The following PPFIA4 variants were observed in gnomAD, a reference collection of about 807,000 sequenced individuals.
PPFIA4 encodes the protein liprin-alpha-4.
Under a neutral mutation model 145.7 loss-of-function variants are expected in PPFIA4, and 98 were observed. That is an observed-to-expected ratio of 0.67 (90% CI 0.57 to 0.80). PPFIA4 has a LOEUF of 0.80. Ranked by LOEUF, PPFIA4 falls within the 30% of genes least tolerant of loss-of-function variation. The pLI is 0.00. For synonymous variants in PPFIA4, 628 were observed against 649.6 expected (o/e 0.97, Z 0.51); for missense variants, 1,457 against 1,632.7 (o/e 0.89, Z 1.85).
At position 203,053,884 on chromosome 1, in the gene PPFIA4, C is replaced by T. The variant is rs369103734; in HGVS notation, c.1752C>T (p.Ser584=). The change falls in exon 15 of 30, where the codon TCC becomes TCT. Residue 584 remains serine, a synonymous_variant. Coordinates refer to ENST00000295706, the MANE Select transcript of PPFIA4 (RefSeq NM_001304331.2). The part of the protein sequence containing the change: ...GGLVGSADVV[S]PSGHSDAQTL... The stretch of plus-strand genomic sequence containing the variant: ...TGGTGGGCTCTGCGGATGTTGTCTC[C>T]CCCAGCGGCCACTCAGATGCCCAGA... 1.5e-5 allele frequency: 24 copies of T among 1,562,264 alleles called. No homozygotes were observed. In the African/African-American group the frequency reaches 2.7e-4, roughly 18 times the overall value.
intron 26 of PPFIA4, 37 bp downstream of exon 26, chr1:203,067,829 C>T (rs1258512376): frequency 5.6e-6 from 9 of 1,593,612 alleles, no homozygotes; most frequent in Non-Finnish European, 6.9e-6. Flanking sequence ...TCGGGAGCAG[C>T]CTGCTTGGCT....
Position 203,048,772 on chromosome 1 carries a change from GAGGCGGGACTGTGATGGGCGC to G in PPFIA4, c.1356+66_1356+86del. The G allele has an allele frequency of 1.3e-6, 2 of 1,567,208 alleles. No homozygotes were observed. Among genetic ancestry groups the G allele is most frequent in the Non-Finnish European group, 1.7e-6 (2 of 1,152,808 alleles). On this transcript the variant is annotated intron_variant, in intron 11 of 29. Transcript: ENST00000295706. The surrounding 1 kb of genome is among the most constrained non-coding windows in gnomAD (Gnocchi z 5.8). ...GTTAGTGCTGGGTGTGGGGCGGGGGGAGGCGGGACTGTGATGGGCGCAGGCGGGGTCTCAATGGGGTGGGTG... is the reference window on the plus strand; with the variant it reads ...GTTAGTGCTGGGTGTGGGGCGGGGGGAGGCGGGGTCTCAATGGGGTGGGTG...
chr1:203,043,807 C>A lies in PPFIA4; in HGVS notation c.337-124C>A. 2 of 991,550 alleles carry A rather than the reference C, an allele frequency of 2.0e-6. No homozygotes were observed. The highest frequency in any genetic ancestry group is 2.9e-6 in the Non-Finnish European group (2 of 689,222). 61.4% of individuals were successfully genotyped at this position (991,550 alleles called of 1,614,324 possible). A position where few individuals can be genotyped will look rare whatever the true frequency, so the allele number is the denominator to read the frequency against. ...GCTCTGTGCCCATTTGGAAGTATTTCAGTGTTTTCACAGTGGGGTGGCTGT... is the reference window on the plus strand; with the variant it reads ...GCTCTGTGCCCATTTGGAAGTATTTAAGTGTTTTCACAGTGGGGTGGCTGT... On this transcript the variant is annotated intron_variant, in intron 3 of 29. Transcript: ENST00000295706. This position sits in a 1 kb window ranked among gnomAD's most constrained non-coding sequence, Gnocchi z 4.4.
At chr1:203,028,068 G>A (rs1658539195) in intron 1 of PPFIA4, among the ~76,000 whole-genome samples, 1 of 152,210 alleles carries the variant, frequency 6.6e-6, no homozygotes, top group Non-Finnish European at 1.5e-5. Flanking sequence ...TCAAAGTAAG[G>A]AGATAATGAA....
rs1252305297 is a variant in PPFIA4, at chr1:203,057,015, C to G, written c.2407+65C>G. The G allele has an allele frequency of 1.1e-5, 17 of 1,595,288 alleles. No homozygotes were observed. In the South Asian group the frequency reaches 1.9e-4, roughly 18 times the overall value. On this transcript the variant is annotated intron_variant, in intron 19 of 29. Transcript: ENST00000295706. The stretch of plus-strand genomic sequence containing the variant: ...GGGGCATCAGAAGCAGGAAGGTGTA[C>G]TTGGACTGGCCTTCTCTGCCTGCGT...
At chr1:203,064,127 C>T (rs757881078) in intron 25 of PPFIA4, 124 bp downstream of exon 25, 4 of 1,043,168 alleles carry the variant, frequency 3.8e-6, no homozygotes, top group Non-Finnish European at 5.4e-6. Context: ...GGCAACAGGT[C>T]TCCCCCTTGG....
chr1:203,065,749 A>T (rs1282431066), intron 25 of PPFIA4, among the ~76,000 whole-genome samples: 1 of 152,206 alleles, frequency 6.6e-6, no homozygotes, highest in Non-Finnish European at 1.5e-5. Context: ...TTAAAACCTT[A>T]TTTTACAGAT....
intron 1 of PPFIA4, among the ~76,000 whole-genome samples, chr1:203,027,678 A>T (rs113331145): frequency 6.6e-6 from 1 of 152,192 alleles, no homozygotes; most frequent in African/African-American, 2.4e-5. Context: ...CTCAACATCC[A>T]GCAAACATTT....
intron 1 of PPFIA4, chr1:203,035,239 C>A (rs10920551): frequency 2.2e-6 from 1 of 454,802 alleles, no homozygotes; most frequent in East Asian, 7.0e-5. Context: ...ACGCTCCTAG[C>A]GGCCCTGCCC....
rs760695709 is a variant in PPFIA4, at chr1:203,055,547, A to T, written c.1945A>T (p.Ile649Phe). ...NLKQLRKRGS[I>F]PTSLTALSLA... is the part of the protein sequence containing the mutation. ...GAAGCAGCTGCGCAAGCGTGGTTCCATCCCCACCTCTCTGACGGCCCTGTC... is the reference window on the plus strand; with the variant it reads ...GAAGCAGCTGCGCAAGCGTGGTTCCTTCCCCACCTCTCTGACGGCCCTGTC... The change falls in exon 16 of 30, where the codon ATC (isoleucine) becomes TTC (phenylalanine). Residue 649 changes from isoleucine (I) to phenylalanine (F), a missense_variant. Physicochemically the swap from Ile to Phe is conservative, Grantham distance 21. This residue lies in a region of PPFIA4 where 848 missense variants were observed against 1,046.7 expected (regional missense o/e 0.81). Coordinates refer to ENST00000295706, the MANE Select transcript of PPFIA4 (RefSeq NM_001304331.2). This position sits in a 1 kb window ranked among gnomAD's most constrained non-coding sequence, Gnocchi z 4.8. 6.8e-6 allele frequency: 11 copies of T among 1,613,890 alleles called. No individual in the cohort carries two copies. Among genetic ancestry groups the T allele is most frequent in the Non-Finnish European group, 9.3e-6 (11 of 1,179,894 alleles).
chr1:203,030,733 G>A (rs1380445189), intron 1 of PPFIA4, among the ~76,000 whole-genome samples: 1 of 152,194 alleles, frequency 6.6e-6, no homozygotes, highest in Admixed American at 6.5e-5. Context: ...TGTCTCATGA[G>A]CAGCAATACA....
intron 6 of PPFIA4, 64 bp downstream of exon 6, chr1:203,044,849 G>A (rs1036984863): frequency 8.7e-6 from 12 of 1,379,492 alleles, no homozygotes; most frequent in South Asian, 2.5e-5. Flanking sequence ...TTGGAGGCCC[G>A]GCTCTGCCTT....
intron 2 of PPFIA4, among the ~76,000 whole-genome samples, chr1:203,042,219 T>C (rs1659741823): frequency 6.6e-6 from 1 of 152,192 alleles, no homozygotes; most frequent in Non-Finnish European, 1.5e-5. Context: ...GGAGGTGATG[T>C]TTAGCTAAAC....
intron 13 of PPFIA4, among the ~76,000 whole-genome samples, chr1:203,050,263 G>T (rs565459779): frequency 6.6e-6 from 1 of 152,310 alleles, no homozygotes; most frequent in South Asian, 2.1e-4. Context: ...CTATGGACTT[G>T]GCATCCCTTT....
chr1:203,030,521 A>T (rs1020166635), intron 1 of PPFIA4, among the ~76,000 whole-genome samples: 3 of 152,168 alleles, frequency 2.0e-5, no homozygotes, highest in Non-Finnish European at 4.4e-5. Context: ...GGGTGGGGGT[A>T]GGTAGAAAGA....
intron 23 of PPFIA4, chr1:203,061,297 T>A: frequency 1.8e-6 from 1 of 556,602 alleles, no homozygotes; most frequent in Non-Finnish European, 3.2e-6. Context: ...CGGAGGAGAG[T>A]TGGGCTGGGG....
At chr1:203,039,316 G>T in intron 2 of PPFIA4, 74 bp downstream of exon 2, 2 of 1,102,998 alleles carry the variant, frequency 1.8e-6, no homozygotes, top group Non-Finnish European at 2.5e-6. Context: ...TGGGCCCTCA[G>T]CTCATCTGCA....
rs763460936 is a variant in PPFIA4 at position 203,051,825 on chromosome 1, C to T, written c.1568C>T (p.Ala523Val). ...VRFSLGTTTHAPPGVHRRYSA... is the reference protein window; with the variant it reads ...VRFSLGTTTHVPPGVHRRYSA... ...TTCTCCCTGGGCACAACCACACACG[C>T]ACCCCCAGGCGTGCATCGCCGCTAC... is the stretch of plus-strand genomic sequence containing the variant. The change falls in exon 14 of 30, where the codon GCA becomes GTA. Residue 523 changes from alanine (A) to valine (V), a missense_variant. Around this residue, in one of 3 missense-constraint regions of PPFIA4, gnomAD observed 848 missense variants for 1,046.7 expected, o/e 0.81. Transcript: ENST00000295706. 6.2e-7 allele frequency: 1 copy of T among 1,613,886 alleles called. No homozygotes were observed. The highest frequency in any genetic ancestry group is 1.7e-5 in the Admixed American group (1 of 60,012).
chr1:203,044,257 G>A, intron 4 of PPFIA4, 122 bp from the exon 5 acceptor site: 1 of 1,159,520 alleles, frequency 8.6e-7, no homozygotes, highest in Non-Finnish European at 1.2e-6. Flanking sequence ...TCCTGCAAAT[G>A]TGCTGCTTAG....
Sources: allele counts gnomAD v4.1 joint callset (sites outside exome capture counted in the v4.1 genomes callset), GRCh38; gene constraint gnomAD v4.1.1; regional missense constraint gnomAD v4.1.1; non-coding constraint Gnocchi (gnomAD v3.1); transcripts MANE v1.5; gene names NCBI Gene and HGNC (gene_info 2026-07-23, HGNC 2026-07-21).